Variants in NBAS observed in about 807,000 individuals in gnomAD.
NBAS encodes the protein NAG/BC035112 fusion.
Under a neutral mutation model 302.5 loss-of-function variants are expected in NBAS, and 219 were observed. The observed-to-expected ratio is 0.72, with a 90% CI of 0.65 to 0.81. The LOEUF is 0.81. Among genes scored for constraint, NBAS ranks in the 30% least tolerant of loss-of-function variants. NBAS has a pLI of 0.00. For synonymous variants in NBAS, 1,118 were observed against 1,021.6 expected, an observed-to-expected ratio of 1.09 and a Z score of -1.80; for missense variants, 2,932 against 2,841.6, an observed-to-expected ratio of 1.03 and a Z score of -0.72.
At chr2:15,467,600 G>A in intron 18 of NBAS, 64 bp downstream of exon 18, 1 of 1,481,442 alleles carries the variant, frequency 6.8e-7, no homozygotes, top group South Asian at 1.1e-5. Flanking sequence ...TACTAGTAAG[G>A]AACACACTGA....
At chr2:15,004,553 G>A in the NBAS span, among the ~76,000 whole-genome samples, 9 of 152,096 alleles carry the variant, frequency 5.9e-5, no homozygotes, top group African/African-American at 1.9e-4. Flanking sequence ...CCAGACTGGG[G>A]TGCAGTGGCA....
intron 45 of NBAS, among the ~76,000 whole-genome samples, chr2:15,237,829 C>T (rs189001363): frequency 5.7e-4 from 82 of 144,128 alleles, no homozygotes; most frequent in African/African-American, 2.1e-3. Context: ...GGCTGGAGTG[C>T]AGGGGCGTGA....
chr2:15,006,411 C>T, the NBAS span, among the ~76,000 whole-genome samples: 12 of 151,944 alleles, frequency 7.9e-5, no homozygotes, highest in South Asian at 2.1e-4. Context: ...TTTACTGTGT[C>T]GCCTCTATTT....
At position 15,462,053 on chromosome 2, in the gene NBAS, A is replaced by G. The variant is rs55790647; in HGVS notation, c.2098-262T>C. ...AAAATTAAGTTAATTGCAGTAGGACAACCAAAATCAACCACCAGGTAAAAA... is the reference window on the plus strand; with the variant it reads ...AAAATTAAGTTAATTGCAGTAGGACGACCAAAATCAACCACCAGGTAAAAA... On this transcript the variant is annotated intron_variant, in intron 19 of 51. Coordinates refer to ENST00000281513, the MANE Select transcript of NBAS (RefSeq NM_015909.4). Among the ~76,000 whole-genome samples, 3,494 of 152,318 alleles carry G rather than the reference A, an allele frequency of 0.023. 106 individuals carry two copies. Among genetic ancestry groups the G allele is most frequent in the African/African-American group, 0.062 (2,589 of 41,560 alleles).
intron 35 of NBAS, among the ~76,000 whole-genome samples, chr2:15,337,103 A>G (rs1672618825): frequency 6.6e-6 from 1 of 152,156 alleles, no homozygotes; most frequent in African/African-American, 2.4e-5. Context: ...GCAAGATCTC[A>G]TCTCTACAAA....
At chr2:14,979,197 T>C in the NBAS span, among the ~76,000 whole-genome samples, 1 of 152,196 alleles carries the variant, frequency 6.6e-6, no homozygotes, top group Non-Finnish European at 1.5e-5. Context: ...TATTGCTATC[T>C]CCAAGCCTGG....
intron 32 of NBAS, among the ~76,000 whole-genome samples, chr2:15,364,829 A>G (rs1243780636): frequency 6.6e-6 from 1 of 152,104 alleles, no homozygotes; most frequent in Non-Finnish European, 1.5e-5. Context: ...AGCTGAGCCC[A>G]ATCTCCAGAA....
intron 29 of NBAS, among the ~76,000 whole-genome samples, chr2:15,381,238 T>A (rs950208254): frequency 6.7e-6 from 1 of 149,598 alleles, no homozygotes; most frequent in South Asian, 2.1e-4. Flanking sequence ...TATATATAAA[T>A]CTTTATCTAA....
chr2:14,832,069 T>G, the NBAS span, among the ~76,000 whole-genome samples: 7,119 of 152,218 alleles, frequency 0.047, 183 homozygotes, highest in Non-Finnish European at 0.055. Flanking sequence ...AGATCTGCTA[T>G]TGTTTTATTT....
the NBAS span, among the ~76,000 whole-genome samples, chr2:14,829,317 AT>A: frequency 1.3e-5 from 2 of 152,136 alleles, no homozygotes; most frequent in African/African-American, 4.8e-5. Context: ...CAGTATTATT[AT>A]TTCCAGAGAC....
In NBAS at chr2:15,383,199, A is replaced by G; in HGVS notation, c.3360+16T>C. 1 of 1,597,702 alleles carries G rather than the reference A, an allele frequency of 6.3e-7. No homozygotes were observed. The highest frequency in any genetic ancestry group is 2.2e-5 in the East Asian group (1 of 44,760). On this transcript the variant is annotated intron_variant, in intron 29 of 51. Transcript: ENST00000281513. ...TTGTTAAATTAAAAAAAAATCGTAT[A>G]TGGTTCTAGAGTTACCTCATAGCAG... is the stretch of plus-strand genomic sequence containing the variant.
the NBAS span, among the ~76,000 whole-genome samples, chr2:14,781,115 C>T: frequency 6.6e-6 from 1 of 152,172 alleles, no homozygotes; most frequent in Non-Finnish European, 1.5e-5. Context: ...ATGTTCTCTG[C>T]CATCTCCCTC....
At position 15,179,098 on chromosome 2, in the gene NBAS, G is replaced by A. The variant is rs1021126770; in HGVS notation, c.6730C>T (p.Leu2244=). Residue 2244 remains leucine, a synonymous_variant, in exon 51 of 52, where the codon CTG becomes TTG. Transcript: ENST00000281513. The stretch of plus-strand genomic sequence containing the variant: ...AGGAGGGACTGGTTAAGCAGCAGCA[G>A]ACACAGCTCCTTCACACCCTGAAAC... ...LPAEGVKELC[L]LLLNQSLLLP... is the part of the protein sequence containing the mutation. The A allele has an allele frequency of 1.2e-6, 2 of 1,614,188 alleles. No homozygotes were observed. Among genetic ancestry groups the A allele is most frequent in the Middle Eastern group, 1.7e-4 (1 of 6,060 alleles).
intron 44 of NBAS, among the ~76,000 whole-genome samples, chr2:15,241,340 A>T (rs1667858665): frequency 6.6e-6 from 1 of 152,220 alleles, no homozygotes; most frequent in South Asian, 2.1e-4. Flanking sequence ...GAATAGGGAT[A>T]GGCAGCTAAT....
intron 44 of NBAS, 117 bp from the exon 45 acceptor site, chr2:15,238,803 A>C: frequency 1.2e-6 from 1 of 866,156 alleles, no homozygotes; most frequent in Non-Finnish European, 1.7e-6. Flanking sequence ...TTTAACCAAT[A>C]AATAGCACTT....
the NBAS span, among the ~76,000 whole-genome samples, chr2:15,147,722 C>T: frequency 6.6e-6 from 1 of 152,228 alleles, no homozygotes; most frequent in South Asian, 2.1e-4. Context: ...GCAAATGTGG[C>T]TCTAAGGACC....
the NBAS span, among the ~76,000 whole-genome samples, chr2:14,996,882 C>A: frequency 1.3e-5 from 2 of 152,170 alleles, no homozygotes; most frequent in African/African-American, 4.8e-5. Flanking sequence ...TCTTCTCCAT[C>A]CCAAGGAACT....
the NBAS span, among the ~76,000 whole-genome samples, chr2:14,899,499 T>C: frequency 1.3e-5 from 2 of 152,250 alleles, no homozygotes; most frequent in Non-Finnish European, 2.9e-5. Context: ...AGAATGTTGT[T>C]AAGCTCAGCA....
At chr2:15,285,901 T>C (rs2148085575) in intron 42 of NBAS, among the ~76,000 whole-genome samples, 1 of 152,264 alleles carries the variant, frequency 6.6e-6, no homozygotes, top group East Asian at 1.9e-4. Context: ...GTGATCTACC[T>C]ATCACAGCGC....
Sources: allele counts gnomAD v4.1 joint callset (sites outside exome capture counted in the v4.1 genomes callset), GRCh38; gene constraint gnomAD v4.1.1; transcripts MANE v1.5; gene names NCBI Gene and HGNC (gene_info 2026-07-23, HGNC 2026-07-21).